The following NR3C1 variants were observed in gnomAD, a reference collection of about 807,000 sequenced individuals.
The protein encoded by NR3C1 is glucocorticoid receptor.
NR3C1 carries 14 observed loss-of-function variants against 74.0 expected under a neutral mutation model. That is an observed-to-expected ratio of 0.19 (90% confidence interval 0.12 to 0.30). The LOEUF is 0.30. Ranked by LOEUF, NR3C1 falls within the 10% of genes least tolerant of loss-of-function variation. NR3C1 has a pLI of 1.00. For missense variants in NR3C1, 695 were observed against 909.8 expected (o/e 0.76, Z 3.04); for synonymous variants, 308 against 332.5 (o/e 0.93, Z 0.80).
intron 1 of NR3C1, among the ~76,000 whole-genome samples, chr5:143,424,179 T>C (rs959557215): frequency 6.6e-6 from 1 of 151,638 alleles, no homozygotes; most frequent in Admixed American, 6.6e-5. Flanking sequence ...AACCTGCACA[T>C]TGTGCACATG....
chr5:143,360,403 A>G (rs1452892694), intron 2 of NR3C1, among the ~76,000 whole-genome samples: 1 of 152,170 alleles, frequency 6.6e-6, no homozygotes, highest in Admixed American at 6.5e-5. Flanking sequence ...TTTAGAGAGG[A>G]CTTGAGACAG....
exon 1 of NR3C1, chr5:143,434,557 G>A: frequency 1.0e-6 from 1 of 985,336 alleles, no homozygotes; most frequent in South Asian, 4.7e-5. Flanking sequence ...CTTTAATGAA[G>A]CAAAGTCTTC....
rs573570751 is a variant in NR3C1 at position 143,356,565 on chromosome 5, C to T, written c.1185-42397G>A. 3.9e-5 allele frequency among the ~76,000 whole-genome samples: 6 copies of T among 152,134 alleles called. No individual in the cohort carries two copies. The South Asian group carries it at 8.3e-4, about 21-fold the overall frequency. On this transcript the variant is annotated intron_variant, in intron 2 of 8. Transcript: ENST00000394464. ...TCTGGACTGTCCCTTTCCTCCACTG[C>T]CCTGTTTTTAGTACATTATGCCCAA...
intron 4 of NR3C1, among the ~76,000 whole-genome samples, chr5:143,302,021 C>T (rs952293134): frequency 2.0e-5 from 3 of 152,056 alleles, no homozygotes; most frequent in African/African-American, 7.2e-5. Context: ...ACCATGCTCT[C>T]TTGGAGGCAC....
chr5:143,420,322 A>G (rs955472740), intron 1 of NR3C1, among the ~76,000 whole-genome samples: 2 of 152,220 alleles, frequency 1.3e-5, no homozygotes, highest in Admixed American at 6.5e-5. Context: ...TGGGGAAGTG[A>G]TAAGTGTCCA....
rs980156735 is a variant in NR3C1 at position 143,294,141 on chromosome 5, G to A, written c.2023+1319C>T. ...TGTGAAAACATTAAGATGAATGTGC[G>A]CTTTGGAAATGTTTAAATAGATATG... On this transcript the variant is annotated intron_variant, in intron 7 of 8. Transcript: ENST00000394464. 18 of 984,786 alleles carry A rather than the reference G, an allele frequency of 1.8e-5. No individual in the cohort carries two copies. In the East Asian group the frequency reaches 3.4e-4, roughly 19 times the overall value. The allele number at this position is 984,786 out of a possible 1,614,324, so 61.0% of individuals were successfully genotyped here. A position where few individuals can be genotyped will look rare whatever the true frequency, so the allele number is the denominator to read the frequency against.
intron 4 of NR3C1, among the ~76,000 whole-genome samples, chr5:143,306,090 A>T (rs1234161437): frequency 6.6e-6 from 1 of 152,178 alleles, no homozygotes; most frequent in East Asian, 1.9e-4. Flanking sequence ...CAAGAGAAAA[A>T]CAAGCAAGTT....
chr5:143,400,472 T>C lies in NR3C1; in HGVS notation c.368A>G (p.Glu123Gly). 6.2e-7 allele frequency: 1 copy of C among 1,614,222 alleles called. No homozygotes were observed. The highest frequency in any genetic ancestry group is 8.5e-7 in the Non-Finnish European group (1 of 1,180,036). Residue 123 changes from glutamate to glycine, a missense_variant, in exon 2 of 9, where the codon GAA becomes GGA. This residue lies in a region of NR3C1 where 497 missense variants were observed against 489.5 expected (regional missense o/e 1.02). Transcript: ENST00000394464. Reference sequence around the variant, plus strand: ...CCTATTGAGGTTTGCAATGCTTTCTTCCAAAAGCTTTAAGTCTGTTTCCCC... The same window carrying C: ...CCTATTGAGGTTTGCAATGCTTTCTCCCAAAAGCTTTAAGTCTGTTTCCCC... ...SSGETDLKLL[E>G]ESIANLNRST...
At chr5:143,420,023 T>C (rs910393341) in intron 1 of NR3C1, among the ~76,000 whole-genome samples, 13 of 152,162 alleles carry the variant, frequency 8.5e-5, no homozygotes, top group Non-Finnish European at 1.6e-4. Context: ...TTCAGCAATA[T>C]TTCTCCCATT....
chr5:143,293,950 G>T, intron 7 of NR3C1: 1 of 983,838 alleles, frequency 1.0e-6, no homozygotes, highest in Non-Finnish European at 1.2e-6. Context: ...GCTATGATCA[G>T]AATTTTATGT....
exon 1 of NR3C1, chr5:143,434,788 TGA>T: frequency 1.0e-6 from 1 of 985,478 alleles, no homozygotes; most frequent in African/African-American, 1.7e-5. Flanking sequence ...CTAACTGCTC[TGA>T]GAGCACCAGA....
At chr5:143,295,434 A>G (rs765629875) in intron 7 of NR3C1, 26 bp downstream of exon 7, 3 of 1,610,580 alleles carry the variant, frequency 1.9e-6, no homozygotes, top group South Asian at 2.2e-5. Flanking sequence ...TGCTTTTGAC[A>G]TAAGGTGAAA....
chr5:143,391,231 A>G (rs572264872), intron 2 of NR3C1, among the ~76,000 whole-genome samples: 1 of 152,316 alleles, frequency 6.6e-6, no homozygotes, highest in South Asian at 2.1e-4. Flanking sequence ...TAATAATTCT[A>G]TGCTTTCCTC....
chr5:143,286,731 G>T (rs962437400), intron 7 of NR3C1, among the ~76,000 whole-genome samples: 1 of 151,724 alleles, frequency 6.6e-6, no homozygotes, highest in African/African-American at 2.4e-5. Flanking sequence ...CAAAGATACA[G>T]AAAACTTGAA....
intron 2 of NR3C1, among the ~76,000 whole-genome samples, chr5:143,361,328 G>C (rs1473034439): frequency 6.6e-6 from 1 of 152,096 alleles, no homozygotes; most frequent in African/African-American, 2.4e-5. Context: ...AAAATTAATT[G>C]CCAGAAGCTT....
rs72481830 is a variant in NR3C1, at chr5:143,400,451, T to C, written c.389A>G (p.Asn130Ser). 5.1e-5 allele frequency: 83 copies of C among 1,614,064 alleles called. 1 individual carries two copies. The highest frequency in any genetic ancestry group is 2.2e-4 in the South Asian group (20 of 91,078). ...KLLEESIANL[N>S]RSTSVPENPK... ...GTTCTCTGGAACACTGGTCGACCTA[T>C]TGAGGTTTGCAATGCTTTCTTCCAA... Residue 130 changes from asparagine to serine, a missense_variant, in exon 2 of 9, where the codon AAT (asparagine) becomes AGT (serine). Asn to Ser is a conservative substitution (Grantham distance 46). Coordinates refer to ENST00000394464, the MANE Select transcript of NR3C1 (RefSeq NM_000176.3).
chr5:143,329,881 G>A (rs1825597614), intron 2 of NR3C1, among the ~76,000 whole-genome samples: 1 of 151,770 alleles, frequency 6.6e-6, no homozygotes, highest in Admixed American at 6.6e-5. Context: ...AGATCCTCTT[G>A]GTAAATTATA....
At chr5:143,369,965 A>T (rs772796197) in intron 2 of NR3C1, among the ~76,000 whole-genome samples, 129 of 152,322 alleles carry the variant, frequency 8.5e-4, no homozygotes, top group African/African-American at 3.0e-3. Flanking sequence ...GAGTTCACCT[A>T]TTTTAAGATG....
chr5:143,282,094 A>T, intron 8 of NR3C1, 53 bp from the exon 9 acceptor site: 1 of 1,598,834 alleles, frequency 6.3e-7, no homozygotes, highest in Non-Finnish European at 8.6e-7. Context: ...CAGTGGGAAC[A>T]TCTCATGTTT....
Sources: allele counts gnomAD v4.1 joint callset (sites outside exome capture counted in the v4.1 genomes callset), GRCh38; gene constraint gnomAD v4.1.1; regional missense constraint gnomAD v4.1.1; transcripts MANE v1.5; gene names NCBI Gene and HGNC (gene_info 2026-07-23, HGNC 2026-07-21).